Variants in PDE4B observed in about 807,000 individuals in gnomAD.
PDE4B encodes the protein 3',5'-cyclic-AMP phosphodiesterase 4B.
PDE4B carries 20 observed loss-of-function variants against 82.2 expected under a neutral mutation model. The ratio of observed to expected loss-of-function variants is 0.24; its 90% CI spans 0.17 to 0.35. PDE4B has a LOEUF of 0.35. PDE4B is among the 10% of genes least tolerant of loss of function. PDE4B has a pLI of 1.00. For missense variants in PDE4B, 655 were observed against 907.2 expected (o/e 0.72, Z 3.57); for synonymous variants, 320 against 318.9 (o/e 1.00, Z -0.04).
intron 3 of PDE4B, among the ~76,000 whole-genome samples, chr1:66,024,301 T>A (rs2503214): frequency 0.98 from 149,338 of 152,262 alleles, 73,290 homozygotes; most frequent in Middle Eastern, 1. Flanking sequence ...CTAGCATCAC[T>A]ATACCTTAGA....
At chr1:65,814,862 T>A (rs998554862) in intron 1 of PDE4B, among the ~76,000 whole-genome samples, 1 of 152,006 alleles carries the variant, frequency 6.6e-6, no homozygotes, top group Non-Finnish European at 1.5e-5. Context: ...TTTTTTTTTG[T>A]ATAAGTTTTT....
intron 3 of PDE4B, among the ~76,000 whole-genome samples, chr1:66,007,477 GA>G (rs761270105): frequency 3.4e-4 from 52 of 151,978 alleles, no homozygotes; most frequent in Non-Finnish European, 6.2e-4. Flanking sequence ...CCAAACAAAT[GA>G]AAAACAAGTA....
chr1:66,137,913 A>T (rs1646090952), intron 3 of PDE4B, among the ~76,000 whole-genome samples: 2 of 152,318 alleles, frequency 1.3e-5, no homozygotes, highest in South Asian at 2.1e-4. Flanking sequence ...AGCACTTATT[A>T]TGTATCAGGA....
Position 65,804,074 on chromosome 1 carries a change from A to G in PDE4B, c.-71+10826A>G, listed in dbSNP as rs144589282. Among the ~76,000 whole-genome samples, 697 of 152,114 alleles carry G rather than the reference A, an allele frequency of 4.6e-3. 6 individuals carry two copies. The highest frequency in any genetic ancestry group is 0.016 in the African/African-American group (658 of 41,500). ...AAAGAAACAGTCTTTAAACTACATC[A>G]TTTTCCTCTTTAGGCTTTTTAGGCA... On this transcript the variant is annotated intron_variant, in intron 1 of 16. Coordinates refer to ENST00000341517, the MANE Select transcript of PDE4B (RefSeq NM_002600.4).
At chr1:66,043,622 A>G (rs536835738) in intron 3 of PDE4B, among the ~76,000 whole-genome samples, 2 of 151,862 alleles carry the variant, frequency 1.3e-5, no homozygotes, top group East Asian at 3.9e-4. Flanking sequence ...AAAATCTGGA[A>G]TTCTGTCCAA....
intron 1 of PDE4B, among the ~76,000 whole-genome samples, chr1:65,904,221 C>T (rs1204606532): frequency 6.6e-6 from 1 of 152,136 alleles, no homozygotes; most frequent in Non-Finnish European, 1.5e-5. Flanking sequence ...TTGAACAGCA[C>T]TGTACAGGTG....
chr1:65,823,112 G>A (rs1231626336), intron 1 of PDE4B, among the ~76,000 whole-genome samples: 2 of 151,792 alleles, frequency 1.3e-5, no homozygotes, highest in Non-Finnish European at 2.9e-5. Flanking sequence ...AAAAATTCTG[G>A]ACAGGCTGGG....
At chr1:66,299,423 A>G (rs1657731829) in intron 7 of PDE4B, among the ~76,000 whole-genome samples, 2 of 152,164 alleles carry the variant, frequency 1.3e-5, no homozygotes, top group Non-Finnish European at 2.9e-5. Context: ...AGTGAATAGC[A>G]TTCCATTATT....
chr1:66,059,215 A>T (rs1232312279), intron 3 of PDE4B, among the ~76,000 whole-genome samples: 1 of 152,166 alleles, frequency 6.6e-6, no homozygotes, highest in African/African-American at 2.4e-5. Flanking sequence ...TCCATCTGAG[A>T]CCACCTCAGC....
At chr1:66,256,901 A>C (rs1245351968) in intron 4 of PDE4B, among the ~76,000 whole-genome samples, 1 of 152,198 alleles carries the variant, frequency 6.6e-6, no homozygotes, top group African/African-American at 2.4e-5. Context: ...TAGTACCTTC[A>C]ATAGAGAGTT....
chr1:65,812,740 A>G (rs1645834287), intron 1 of PDE4B, among the ~76,000 whole-genome samples: 1 of 152,204 alleles, frequency 6.6e-6, no homozygotes, highest in Admixed American at 6.5e-5. Flanking sequence ...TCAGCCTCCT[A>G]TATGATATTA....
At chr1:66,333,344 C>A (rs955935606) in intron 8 of PDE4B, among the ~76,000 whole-genome samples, 1 of 152,134 alleles carries the variant, frequency 6.6e-6, no homozygotes, top group Non-Finnish European at 1.5e-5. Context: ...TTAATTAACA[C>A]CTGGACTTAG....
intron 3 of PDE4B, among the ~76,000 whole-genome samples, chr1:66,209,119 A>G (rs1649809791): frequency 6.6e-6 from 1 of 152,218 alleles, no homozygotes; most frequent in South Asian, 2.1e-4. Flanking sequence ...ATTTGTGTTT[A>G]TAGATAGTGA....
At chr1:65,921,220 G>A (rs893900227) in intron 3 of PDE4B, among the ~76,000 whole-genome samples, 2 of 151,656 alleles carry the variant, frequency 1.3e-5, no homozygotes, top group Non-Finnish European at 2.9e-5. Flanking sequence ...CGCCCGCCTC[G>A]GCCTCCCAAA....
chr1:66,106,976 G>A (rs1645376051), intron 3 of PDE4B, among the ~76,000 whole-genome samples: 1 of 148,314 alleles, frequency 6.7e-6, no homozygotes, highest in Non-Finnish European at 1.5e-5. Context: ...CTTGCCTTCT[G>A]CTAGCTTTGA....
chr1:66,105,847 A>C (rs1363474494), intron 3 of PDE4B, among the ~76,000 whole-genome samples: 1 of 151,700 alleles, frequency 6.6e-6, no homozygotes, highest in Admixed American at 6.6e-5. Context: ...GGGCTGAGAC[A>C]ATGGGGTTTT....
intron 3 of PDE4B, among the ~76,000 whole-genome samples, chr1:66,106,224 A>G (rs1323058144): frequency 2.6e-5 from 4 of 152,084 alleles, no homozygotes; most frequent in East Asian, 3.9e-4. Flanking sequence ...GGTTCTGTTT[A>G]TATGCTGGAT....
At chr1:65,887,091 CG>C (rs1159854631) in intron 1 of PDE4B, among the ~76,000 whole-genome samples, 1 of 151,634 alleles carries the variant, frequency 6.6e-6, no homozygotes, top group African/African-American at 2.4e-5. Flanking sequence ...ATTGTGGTTT[CG>C]ATGTACATTT....
At chr1:66,177,978 T>C (rs1646969830) in intron 3 of PDE4B, among the ~76,000 whole-genome samples, 2 of 151,696 alleles carry the variant, frequency 1.3e-5, no homozygotes, top group Non-Finnish European at 2.9e-5. Flanking sequence ...ATTGGAATTA[T>C]AATTCACATT....
Sources: allele counts gnomAD v4.1 joint callset (sites outside exome capture counted in the v4.1 genomes callset), GRCh38; gene constraint gnomAD v4.1.1; transcripts MANE v1.5; gene names NCBI Gene and HGNC (gene_info 2026-07-23, HGNC 2026-07-21).